MEG3: variants seen among roughly 807,000 people sequenced by gnomAD.
The protein encoded by MEG3 is Very putative protein from MEG3 locus.
At chr14:100,851,681 G>T (rs931028571) in intron 3 of MEG3, 9 of 152,630 alleles carry the variant, frequency 5.9e-5, no homozygotes, top group African/African-American at 2.2e-4. Context: ...TCCTTGACAT[G>T]CCATCCCCAG....
chr14:100,848,968 G>A (rs938394044), intron 3 of MEG3: 1 of 152,158 alleles, frequency 6.6e-6, no homozygotes, highest in South Asian at 2.1e-4. Context: ...ATCAATAAAA[G>A]CACAGATACC....
chr14:100,848,067 G>A (rs2037968153), intron 3 of MEG3: 1 of 152,184 alleles, frequency 6.6e-6, no homozygotes. Flanking sequence ...CAAAGTGCAA[G>A]AGAGAATGAG....
At chr14:100,838,859 C>T (rs774531851) in intron 2 of MEG3, among the ~76,000 whole-genome samples, 1 of 152,098 alleles carries the variant, frequency 6.6e-6, no homozygotes, top group African/African-American at 2.4e-5. Context: ...TTCGCTCACT[C>T]GCCCCCACAT....
At chr14:100,833,569 C>G (rs1204297320), downstream of MEG3, 4 of 152,362 alleles carry the variant, frequency 2.6e-5, no homozygotes, top group Admixed American at 2.0e-4. Flanking sequence ...TATAGTAGTT[C>G]TTCTTTTGCC....
At chr14:100,854,248 T>C (rs943762535), upstream of MEG3, 1 of 152,256 alleles carries the variant, frequency 6.6e-6, no homozygotes, top group Non-Finnish European at 1.5e-5. Context: ...TAATTACTAA[T>C]GATGGGTGAA....
chr14:100,842,420 A>G (rs1163249333), intron 2 of MEG3, among the ~76,000 whole-genome samples: 5 of 152,190 alleles, frequency 3.3e-5, no homozygotes, highest in African/African-American at 9.7e-5. Flanking sequence ...GAGAGGGGAC[A>G]TGATTTCAAA....
upstream of MEG3, chr14:100,855,012 A>G (rs1366594215): frequency 6.5e-6 from 1 of 152,674 alleles, no homozygotes; most frequent in African/African-American, 2.4e-5. Context: ...GGTCAGTCAC[A>G]GCCATTTAGG....
intron 2 of MEG3, among the ~76,000 whole-genome samples, chr14:100,838,344 G>T (rs536935707): frequency 6.6e-6 from 1 of 152,098 alleles, no homozygotes; most frequent in South Asian, 2.1e-4. Flanking sequence ...TGAGTGTTTC[G>T]GTCTCAGGCA....
exon 1 of MEG3, chr14:100,834,375 GC>G (rs1276472318): frequency 1.5e-5 from 4 of 262,532 alleles, no homozygotes; most frequent in Non-Finnish European, 3.0e-5. Context: ...AAATCAGCTG[GC>G]CCCCGGCAGG....
Position 100,837,593 on chromosome 14 carries a change from G to A in MEG3, n.3045+1293G>A, listed in dbSNP as rs1265691995. ...AGGAAGTGGATGAACACAGCTGCACGCTGGGTGGGGCCCAGCCTCTAGTCC... is the reference window on the plus strand; with the variant it reads ...AGGAAGTGGATGAACACAGCTGCACACTGGGTGGGGCCCAGCCTCTAGTCC... On this transcript the variant is annotated intron_variant and non_coding_transcript_variant, in intron 2 of 3. Transcript: ENST00000398461. This position sits in a 1 kb window ranked among gnomAD's most constrained non-coding sequence, Gnocchi z 5.8. 1.3e-5 allele frequency among the ~76,000 whole-genome samples: 2 copies of A among 152,122 alleles called. No homozygotes were observed. The highest frequency in any genetic ancestry group is 2.4e-5 in the African/African-American group (1 of 41,406).
intron 1 of MEG3, among the ~76,000 whole-genome samples, chr14:100,827,170 C>T (rs2037259078): frequency 6.6e-6 from 1 of 152,164 alleles, no homozygotes; most frequent in East Asian, 1.9e-4. Context: ...GGTCAAATCG[C>T]CTTTTGCCAT....
In MEG3 at chr14:100,845,428, ACT is replaced by A. The variant is rs1182934475; in HGVS notation, n.3046-27_3046-26del. 1 of 454,748 alleles carries A rather than the reference ACT, an allele frequency of 2.2e-6. No individual in the cohort carries two copies. Among genetic ancestry groups the A allele is most frequent in the Non-Finnish European group, 4.4e-6 (1 of 226,218 alleles). 28.2% of individuals were successfully genotyped at this position (454,748 alleles called of 1,614,324 possible). A position where few individuals can be genotyped will look rare whatever the true frequency, so the allele number is the denominator to read the frequency against. ...TCCTCGCCGGCCTGAGTGAGGTTCT[ACT>A]CTGTGACCTAGTGCCTTCTTGTTAC... On this transcript the variant is annotated intron_variant and non_coding_transcript_variant, in intron 2 of 3. Coordinates refer to the MEG3 transcript ENST00000398461. The surrounding 1 kb of genome is among the most constrained non-coding windows in gnomAD (Gnocchi z 5.2).
rs529533312 is a variant in MEG3, at chr14:100,834,433, C to G, written n.1465C>G. ...AGGCTCCTGGAGCCCTAAAAACTTT[C>G]AAAAGTTAACTCCCCACGTCCCCAT... On this transcript the variant is annotated non_coding_transcript_exon_variant, in exon 1 of 4. Transcript: ENST00000398461. 322 of 277,036 alleles carry G rather than the reference C, an allele frequency of 1.2e-3. 6 individuals carry two copies. The highest frequency in any genetic ancestry group is 0.012 in the South Asian group (307 of 26,434). 17.2% of individuals were successfully genotyped at this position (277,036 alleles called of 1,614,324 possible).
chr14:100,852,960 G>T (rs755920816), upstream of MEG3: 1 of 154,666 alleles, frequency 6.5e-6, no homozygotes, highest in African/African-American at 2.4e-5. Context: ...GAGGCCATGA[G>T]GGGGGATCAG....
rs375177041 is a variant in MEG3, at chr14:100,837,303, G to A, written n.3045+1003G>A. Among the ~76,000 whole-genome samples the A allele has an allele frequency of 3.9e-5, 6 of 152,294 alleles. No individual in the cohort carries two copies. Among genetic ancestry groups the A allele is most frequent in the African/African-American group, 1.4e-4 (6 of 41,566 alleles). ...GTCTGTGGCTCACTCAGGGCGATGG[G>A]GTGTTTTTAGAGCCACTGCCCTGGG... is the stretch of plus-strand genomic sequence containing the variant. On this transcript the variant is annotated intron_variant and non_coding_transcript_variant, in intron 2 of 3. Transcript: ENST00000398461. The surrounding 1 kb of genome is among the most constrained non-coding windows in gnomAD (Gnocchi z 5.8).
At chr14:100,851,804 G>C (rs1184316129) in intron 3 of MEG3, 1 of 153,672 alleles carries the variant, frequency 6.5e-6, no homozygotes, top group Non-Finnish European at 1.4e-5. Context: ...CGCCCTCCGG[G>C]GGACTGCCGG....
At chr14:100,827,217 C>T (rs947662938) in intron 1 of MEG3, among the ~76,000 whole-genome samples, 1 of 152,146 alleles carries the variant, frequency 6.6e-6, no homozygotes, top group African/African-American at 2.4e-5. Flanking sequence ...AGGCCGCCCC[C>T]TCCCACCCTG....
chr14:100,860,406 G>C, intron 1 of MEG3: 1 of 334,456 alleles, frequency 3.0e-6, no homozygotes, highest in Non-Finnish European at 5.9e-6. Flanking sequence ...ACCAGAGGTT[G>C]CCAGTTGTAG....
At chr14:100,852,118 T>G in intron 3 of MEG3, 15 of 308,896 alleles carry the variant, frequency 4.9e-5, no homozygotes, top group East Asian at 3.0e-4. Context: ...CCATCTGGAG[T>G]GGGAGGCGTC....
Sources: allele counts gnomAD v4.1 joint callset (sites outside exome capture counted in the v4.1 genomes callset), GRCh38; gene constraint gnomAD v4.1.1; non-coding constraint Gnocchi (gnomAD v3.1); transcripts MANE v1.5; gene names NCBI Gene and HGNC (gene_info 2026-07-23, HGNC 2026-07-21).